The following WIF1 variants were observed in gnomAD, a reference collection of about 807,000 sequenced individuals.
WIF1 encodes the protein Wnt inhibitory factor 1.
Under a neutral mutation model 53.5 loss-of-function variants are expected in WIF1, and 35 were observed. That is an observed-to-expected ratio of 0.65 (90% confidence interval 0.50 to 0.87). The LOEUF is 0.87. WIF1 is among the 40% of genes least tolerant of loss of function. WIF1 has a pLI of 0.00. For missense variants in WIF1, 467 were observed against 476.8 expected (o/e 0.98, Z 0.19); for synonymous variants, 171 against 170.4 (o/e 1.00, Z -0.03).
At chr12:65,099,130 T>C (rs1398415014) in intron 2 of WIF1, among the ~76,000 whole-genome samples, 1 of 152,226 alleles carries the variant, frequency 6.6e-6, no homozygotes, top group East Asian at 1.9e-4. Flanking sequence ...TTCTGTGCTC[T>C]TAGTGACCTA....
intron 3 of WIF1, 41 bp from the exon 4 acceptor site, chr12:65,068,945 T>C (rs1270105664): frequency 6.3e-7 from 1 of 1,586,860 alleles, no homozygotes; most frequent in Non-Finnish European, 8.6e-7. Flanking sequence ...ATAGTTAATC[T>C]AGTTGATTCT....
chr12:65,062,439 AG>A lies in WIF1; in HGVS notation c.826+41del, dbSNP rs572323507. 3.0e-4 allele frequency: 453 copies of A among 1,524,466 alleles called. 2 individuals carry two copies. In the African/African-American group the frequency reaches 5.7e-3, roughly 19 times the overall value. The allele number at this position is 1,524,466 out of a possible 1,614,324, so 94.4% of individuals were successfully genotyped here. On this transcript the variant is annotated intron_variant, in intron 7 of 9. Transcript: ENST00000286574. ...ATGAAGGGGTTATATGGGGTTTCTA[AG>A]GTCTCCCCAAGTCAAAAGAACGCAG...
chr12:65,092,100 C>T (rs561861482), intron 2 of WIF1, among the ~76,000 whole-genome samples: 1 of 152,166 alleles, frequency 6.6e-6, no homozygotes, highest in South Asian at 2.1e-4. Flanking sequence ...GAATACTATG[C>T]AGCCATAAAA....
intron 2 of WIF1, among the ~76,000 whole-genome samples, chr12:65,094,952 T>A (rs1419922900): frequency 1.5e-5 from 2 of 134,892 alleles, no homozygotes; most frequent in African/African-American, 5.4e-5. Context: ...TTATTTATTT[T>A]GACAAGGTCT....
chr12:65,121,209 C>T lies in WIF1; in HGVS notation c.-18G>A, dbSNP rs900898560. On this transcript the variant is annotated 5_prime_UTR_variant, in exon 1 of 10. Transcript: ENST00000286574. Reference sequence around the variant, plus strand: ...CGGGCCATGCTGCTCAGGACCTCCTCGCTGCCGGGAAAACTCCTCGTGCCG... The same window carrying T: ...CGGGCCATGCTGCTCAGGACCTCCTTGCTGCCGGGAAAACTCCTCGTGCCG... The T allele has an allele frequency of 2.0e-6, 3 of 1,464,468 alleles. No individual in the cohort carries two copies. Among genetic ancestry groups the T allele is most frequent in the Non-Finnish European group, 2.7e-6 (3 of 1,102,332 alleles). 90.7% of individuals were successfully genotyped at this position (1,464,468 alleles called of 1,614,324 possible).
chr12:65,092,508 G>GTGTATA (rs1555187373), intron 2 of WIF1, among the ~76,000 whole-genome samples: 1 of 146,700 alleles, frequency 6.8e-6, no homozygotes, highest in Non-Finnish European at 1.5e-5. Context: ...ATATATGTGT[G>GTGTATA]TATATATATA....
chr12:65,100,998 G>C (rs913497947), intron 2 of WIF1, among the ~76,000 whole-genome samples: 1 of 152,100 alleles, frequency 6.6e-6, no homozygotes, highest in Admixed American at 6.6e-5. Context: ...AATCTTCTTA[G>C]GTGAGTTAAC....
At chr12:65,064,454 A>G (rs1268141782) in intron 6 of WIF1, among the ~76,000 whole-genome samples, 1 of 152,208 alleles carries the variant, frequency 6.6e-6, no homozygotes, top group Non-Finnish European at 1.5e-5. Context: ...CCAAGGGCCA[A>G]TGAAAGTTAT....
intron 4 of WIF1, 141 bp downstream of exon 4, chr12:65,068,623 G>GT (rs1305749038): frequency 1.8e-6 from 2 of 1,125,728 alleles, no homozygotes; most frequent in African/African-American, 3.2e-5. Flanking sequence ...CGTTGCTGTA[G>GT]TTATAGAGCC....
intron 1 of WIF1, 23 bp downstream of exon 1, chr12:65,121,021 G>A (rs1883600785): frequency 1.4e-6 from 2 of 1,437,308 alleles, no homozygotes; most frequent in South Asian, 3.0e-5. Flanking sequence ...GGCAGGGGAA[G>A]GCGCTGGAGG....
chr12:65,100,914 T>A (rs771423119), intron 2 of WIF1, among the ~76,000 whole-genome samples: 4 of 151,948 alleles, frequency 2.6e-5, no homozygotes, highest in Admixed American at 6.6e-5. Flanking sequence ...AAAAAAACCA[T>A]GTTTACCGAG....
chr12:65,106,747 T>A (rs1354759495), intron 2 of WIF1, among the ~76,000 whole-genome samples: 2 of 152,252 alleles, frequency 1.3e-5, no homozygotes, highest in East Asian at 1.9e-4. Context: ...GGAGAAAGAT[T>A]GAGCTCACTG....
At chr12:65,109,932 G>A (rs1883405105) in intron 2 of WIF1, among the ~76,000 whole-genome samples, 1 of 152,162 alleles carries the variant, frequency 6.6e-6, no homozygotes, top group East Asian at 1.9e-4. Flanking sequence ...AGAGTATTTG[G>A]AGGTGAATCT....
At chr12:65,116,546 T>C (rs1883513251) in intron 2 of WIF1, among the ~76,000 whole-genome samples, 1 of 152,172 alleles carries the variant, frequency 6.6e-6, no homozygotes. Context: ...AATTATTTCA[T>C]TACATATTAC....
At chr12:65,095,761 G>A (rs894638578) in intron 2 of WIF1, 1 of 152,126 alleles carries the variant, frequency 6.6e-6, no homozygotes, top group Non-Finnish European at 1.5e-5. Context: ...GCTCACTTCG[G>A]CAGCACATAT....
chr12:65,071,248 A>G (rs1882769633), intron 3 of WIF1, among the ~76,000 whole-genome samples: 2 of 151,106 alleles, frequency 1.3e-5, no homozygotes, highest in African/African-American at 4.9e-5. Context: ...AAAAAAAAAA[A>G]AAAAAAGGAA....
At chr12:65,068,258 T>C (rs1882718248) in intron 4 of WIF1, among the ~76,000 whole-genome samples, 1 of 151,900 alleles carries the variant, frequency 6.6e-6, no homozygotes, top group Non-Finnish European at 1.5e-5. Flanking sequence ...ATCTGGGGTG[T>C]GGTGGGGAGG....
chr12:65,088,584 A>G (rs1388116112), intron 2 of WIF1, among the ~76,000 whole-genome samples: 2 of 152,044 alleles, frequency 1.3e-5, no homozygotes, highest in Non-Finnish European at 2.9e-5. Context: ...ATTTCTCATA[A>G]AAGGTTACTG....
intron 3 of WIF1, 130 bp downstream of exon 3, chr12:65,077,616 G>A (rs1261737009): frequency 7.5e-6 from 5 of 664,734 alleles, no homozygotes; most frequent in Non-Finnish European, 1.3e-5. Context: ...CAGTCAAACT[G>A]TCCTAAAATC....
Sources: allele counts gnomAD v4.1 joint callset (sites outside exome capture counted in the v4.1 genomes callset), GRCh38; gene constraint gnomAD v4.1.1; transcripts MANE v1.5; gene names NCBI Gene and HGNC (gene_info 2026-07-23, HGNC 2026-07-21).